Variants in NOL4 observed in about 807,000 individuals in gnomAD.
The protein encoded by NOL4 is cancer/testis antigen 125.
A neutral mutation model predicts 75.9 loss-of-function variants in NOL4; 17 were observed. The observed-to-expected ratio is 0.22, with a 90% CI of 0.15 to 0.34. The LOEUF is 0.34. NOL4 is among the 10% of genes least tolerant of loss of function. The pLI, the probability that NOL4 is intolerant of heterozygous loss-of-function variation, is 1.00. For missense variants in NOL4, 614 were observed against 793.5 expected, an observed-to-expected ratio of 0.77 and a Z score of 2.72; for synonymous variants, 292 against 289.9, an observed-to-expected ratio of 1.01 and a Z score of -0.07.
chr18:34,065,646 C>T (rs180997794), intron 5 of NOL4, among the ~76,000 whole-genome samples: 31 of 152,024 alleles, frequency 2.0e-4, no homozygotes, highest in Non-Finnish European at 3.8e-4. Context: ...CATTACATTA[C>T]AAAATGCACA....
intron 5 of NOL4, among the ~76,000 whole-genome samples, chr18:34,071,957 G>A (rs2077537493): frequency 6.6e-6 from 1 of 152,144 alleles, no homozygotes; most frequent in African/African-American, 2.4e-5. Context: ...AAGGGGCCAG[G>A]CGCAGTAGCT....
At chr18:33,911,395 T>C (rs973597899) in intron 9 of NOL4, among the ~76,000 whole-genome samples, 36 of 152,132 alleles carry the variant, frequency 2.4e-4, no homozygotes, top group African/African-American at 8.2e-4. Context: ...CCCTCCTAAA[T>C]TGACCCTCTA....
At chr18:34,218,744 A>T (rs764963966) in intron 1 of NOL4, among the ~76,000 whole-genome samples, 2 of 152,232 alleles carry the variant, frequency 1.3e-5, no homozygotes, top group Non-Finnish European at 2.9e-5. Flanking sequence ...TGTCCACTAT[A>T]GAAGCAAAAA....
chr18:33,955,657 A>C (rs1281233531), intron 8 of NOL4, among the ~76,000 whole-genome samples: 1 of 152,132 alleles, frequency 6.6e-6, no homozygotes, highest in Non-Finnish European at 1.5e-5. Flanking sequence ...AGGTAAAAGC[A>C]TTCCATTTCC....
In NOL4 at chr18:33,957,360, G is replaced by T. The variant is rs1341037566; in HGVS notation, c.1394C>A (p.Ser465Tyr). 1 of 1,613,310 alleles carries T rather than the reference G, an allele frequency of 6.2e-7. No individual in the cohort carries two copies. The highest frequency in any genetic ancestry group is 8.5e-7 in the Non-Finnish European group (1 of 1,179,622). Residue 465 changes from serine to tyrosine, a missense_variant, in exon 8 of 11, where the codon TCC becomes TAC. Transcript: ENST00000261592. Reference sequence around the variant, plus strand: ...ACCACTTCTTTTCATCCGCCTGCAGGACTTGAGGTAAGTACGTATACGTTT... The same window carrying T: ...ACCACTTCTTTTCATCCGCCTGCAGTACTTGAGGTAAGTACGTATACGTTT... ...ARKRIRTYLK[S>Y]CRRMKRSGFE...
intron 6 of NOL4, among the ~76,000 whole-genome samples, chr18:33,965,160 T>C (rs1369028058): frequency 6.6e-6 from 1 of 152,158 alleles, no homozygotes. Context: ...ATGGAGATGA[T>C]ACGACAAGAA....
At chr18:33,948,717 T>C (rs1568111537) in intron 8 of NOL4, among the ~76,000 whole-genome samples, 4 of 152,082 alleles carry the variant, frequency 2.6e-5, no homozygotes, top group African/African-American at 9.7e-5. Flanking sequence ...GAAATGTGCA[T>C]AAAGTCACTA....
At chr18:33,861,952 A>G (rs1347513751) in intron 10 of NOL4, among the ~76,000 whole-genome samples, 1 of 152,158 alleles carries the variant, frequency 6.6e-6, no homozygotes, top group Non-Finnish European at 1.5e-5. Flanking sequence ...AAAAGAGCCC[A>G]CATCGCCAAG....
chr18:34,024,378 C>T (rs1338836102), intron 5 of NOL4, among the ~76,000 whole-genome samples: 1 of 150,710 alleles, frequency 6.6e-6, no homozygotes, highest in South Asian at 2.1e-4. Context: ...CATATCTTAC[C>T]GTAAAACTAA....
At chr18:33,907,595 CA>C (rs904418140) in intron 9 of NOL4, among the ~76,000 whole-genome samples, 19 of 152,058 alleles carry the variant, frequency 1.2e-4, no homozygotes, top group African/African-American at 4.6e-4. Flanking sequence ...AATGGAGGTA[CA>C]TTTTTTTATA....
intron 10 of NOL4, among the ~76,000 whole-genome samples, chr18:33,857,748 T>A (rs1369793675): frequency 2.0e-5 from 3 of 152,100 alleles, no homozygotes; most frequent in Non-Finnish European, 4.4e-5. Flanking sequence ...AGCACTGTTT[T>A]AACCATGAAT....
chr18:34,146,776 G>A (rs529546031), intron 1 of NOL4, among the ~76,000 whole-genome samples: 11 of 152,036 alleles, frequency 7.2e-5, no homozygotes, highest in Admixed American at 2.0e-4. Flanking sequence ...GTAGCTTGAC[G>A]GGGATAGCAT....
chr18:34,042,831 C>A (rs144931993), intron 5 of NOL4, among the ~76,000 whole-genome samples: 147 of 152,210 alleles, frequency 9.7e-4, no homozygotes, highest in Admixed American at 2.2e-3. Flanking sequence ...ACATCTTGCA[C>A]TAATCTTCAT....
intron 2 of NOL4, among the ~76,000 whole-genome samples, chr18:34,124,720 C>T (rs773069420): frequency 2.4e-4 from 37 of 152,110 alleles, no homozygotes; most frequent in African/African-American, 8.4e-4. Context: ...GCCTGACCAA[C>T]ATGGTGAAAC....
intron 8 of NOL4, among the ~76,000 whole-genome samples, chr18:33,949,234 T>C (rs904412390): frequency 3.3e-5 from 5 of 152,196 alleles, no homozygotes; most frequent in African/African-American, 7.2e-5. Flanking sequence ...CAAACTAAAA[T>C]AGTAGTTCAA....
chr18:33,892,649 CCTTCTT>C (rs112516019), intron 9 of NOL4, among the ~76,000 whole-genome samples: 2 of 150,472 alleles, frequency 1.3e-5, no homozygotes, highest in South Asian at 2.1e-4. Flanking sequence ...TTCTCCTTCT[CCTTCTT>C]CTTCTTTTTT....
chr18:34,118,785 T>C (rs2145818335), intron 2 of NOL4, among the ~76,000 whole-genome samples: 1 of 152,306 alleles, frequency 6.6e-6, no homozygotes, highest in Non-Finnish European at 1.5e-5. Flanking sequence ...TCTATTAAAA[T>C]ATATTTTAAC....
chr18:33,905,866 C>T (rs1417698686), intron 9 of NOL4, among the ~76,000 whole-genome samples: 3 of 152,158 alleles, frequency 2.0e-5, no homozygotes, highest in East Asian at 3.9e-4. Context: ...ACAGTCATCC[C>T]TCATCAACCC....
chr18:33,950,913 C>G (rs1288407268), intron 8 of NOL4, among the ~76,000 whole-genome samples: 1 of 152,076 alleles, frequency 6.6e-6, no homozygotes, highest in Non-Finnish European at 1.5e-5. Flanking sequence ...CTAGGTGTAC[C>G]AGGTACTGTC....
Sources: gnomAD v4.1 joint callset for allele counts (sites outside exome capture counted in the v4.1 genomes callset) on GRCh38, gnomAD v4.1.1 for gene constraint, MANE v1.5 for transcripts, NCBI Gene and HGNC (gene_info 2026-07-23, HGNC 2026-07-21) for gene names.